Variants in CLDN18 observed in about 807,000 individuals in gnomAD.
CLDN18 encodes claudin-18.
Under a neutral mutation model 25.0 loss-of-function variants are expected in CLDN18, and 20 were observed. The ratio of observed to expected loss-of-function variants is 0.80; its 90% CI spans 0.56 to 1.16. CLDN18 has a LOEUF of 1.16. Among genes scored for constraint, CLDN18 ranks in the 50% most tolerant of loss-of-function variants. The probability of loss-of-function intolerance (pLI) is 0.00; values close to 1 mark genes in which losing one functional copy is unlikely to be tolerated. For missense variants in CLDN18, 297 were observed against 345.4 expected (o/e 0.86, Z 1.11); for synonymous variants, 125 against 135.6 (o/e 0.92, Z 0.54).
chr3:137,999,619 G>A (rs1215425974), intron 1 of CLDN18, among the ~76,000 whole-genome samples: 1 of 152,162 alleles, frequency 6.6e-6, no homozygotes, highest in African/African-American at 2.4e-5. Flanking sequence ...GACGTCAGAT[G>A]GGCCCCTGCA....
Position 138,010,371 on chromosome 3 carries a change from T to G in CLDN18, c.146T>G (p.Leu49Arg). The G allele has an allele frequency of 6.2e-7, 1 of 1,614,136 alleles. No homozygotes were observed. The highest frequency in any genetic ancestry group is 8.5e-7 in the Non-Finnish European group (1 of 1,180,024). The change falls in exon 1 of 5, where the codon CTC becomes CGC. Residue 49 changes from leucine to arginine, a missense_variant. Physicochemically the swap from Leu to Arg is moderately radical, Grantham distance 102. Coordinates refer to ENST00000183605, the MANE Select transcript of CLDN18 (RefSeq NM_016369.4). Reference sequence around the variant, plus strand: ...ACCTCCGTGTTCCAGTACGAAGGGCTCTGGAGGAGCTGCGTGAGGCAGAGT... The same window carrying G: ...ACCTCCGTGTTCCAGTACGAAGGGCGCTGGAGGAGCTGCGTGAGGCAGAGT... ...PVTSVFQYEGLWRSCVRQSSG... is the reference protein window; with the variant it reads ...PVTSVFQYEGRWRSCVRQSSG...
chr3:138,008,050 T>C (rs1308088187), upstream of CLDN18, among the ~76,000 whole-genome samples: 1 of 152,136 alleles, frequency 6.6e-6, no homozygotes, highest in Admixed American at 6.5e-5. Context: ...GTTGCCTCCA[T>C]TCAAATTAGA....
intron 1 of CLDN18, among the ~76,000 whole-genome samples, chr3:138,017,362 C>T (rs575791446): frequency 1.3e-5 from 2 of 152,136 alleles, no homozygotes; most frequent in South Asian, 4.1e-4. Context: ...TGACTATCTA[C>T]ATTTTCCCCT....
At position 138,010,446 on chromosome 3, in the gene CLDN18, G is replaced by A; in HGVS notation, c.220+1G>A. On this transcript the variant is annotated splice_donor_variant, in intron 1 of 4. Coordinates refer to ENST00000183605, the MANE Select transcript of CLDN18 (RefSeq NM_016369.4). LOFTEE classifies it high-confidence loss of function. ...TATTTCACCATCCTGGGACTTCCAGGTAGGCACCGTGCACCCCGGGGTAGA... is the reference window on the plus strand; with the variant it reads ...TATTTCACCATCCTGGGACTTCCAGATAGGCACCGTGCACCCCGGGGTAGA... 6.2e-7 allele frequency: 1 copy of A among 1,614,174 alleles called. No homozygotes were observed. The highest frequency in any genetic ancestry group is 8.5e-7 in the Non-Finnish European group (1 of 1,180,010).
intron 1 of CLDN18, among the ~76,000 whole-genome samples, chr3:138,014,564 A>G (rs1942182879): frequency 6.6e-6 from 1 of 152,126 alleles, no homozygotes; most frequent in Non-Finnish European, 1.5e-5. Flanking sequence ...CTGAACCACC[A>G]TGGGAACTGG....
chr3:138,025,897 T>C (rs1166006061), intron 3 of CLDN18, among the ~76,000 whole-genome samples: 2 of 152,186 alleles, frequency 1.3e-5, no homozygotes, highest in African/African-American at 4.8e-5. Context: ...ACCAGCCACT[T>C]TGCAGTTAGC....
At chr3:138,021,069 T>A (rs892042098) in intron 1 of CLDN18, among the ~76,000 whole-genome samples, 6 of 152,162 alleles carry the variant, frequency 3.9e-5, no homozygotes, top group Non-Finnish European at 8.8e-5. Context: ...ATTACTTACA[T>A]TGTAGGGGTT....
intron 1 of CLDN18, chr3:138,004,982 A>G (rs981867669): frequency 6.6e-6 from 1 of 152,034 alleles, no homozygotes; most frequent in Non-Finnish European, 1.5e-5. Context: ...AAAATACATT[A>G]TATGTTTTTT....
At chr3:138,028,065 C>CT (rs527721365) in intron 3 of CLDN18, among the ~76,000 whole-genome samples, 286 of 145,474 alleles carry the variant, frequency 2.0e-3, no homozygotes, top group Middle Eastern at 3.7e-3. Flanking sequence ...TGTGTGCTTT[C>CT]TTTTTTTTTT....
exon 1 of CLDN18, chr3:137,998,821 T>A: frequency 6.4e-7 from 1 of 1,567,840 alleles, no homozygotes; most frequent in African/African-American, 1.3e-5. Context: ...GTCTCAGAAT[T>A]GCGCTGTCCA....
chr3:138,015,278 G>A (rs1942190116), intron 1 of CLDN18, among the ~76,000 whole-genome samples: 1 of 152,166 alleles, frequency 6.6e-6, no homozygotes, highest in Admixed American at 6.5e-5. Flanking sequence ...ACACCTGTGG[G>A]GCTCCTAAAG....
intron 1 of CLDN18, chr3:138,004,709 A>G (rs555219152): frequency 6.6e-6 from 1 of 151,764 alleles, no homozygotes; most frequent in South Asian, 2.1e-4. Context: ...CTTTTTTTGA[A>G]GGAAAAAGTA....
rs376611413 is a variant in CLDN18, at chr3:138,010,408, C to A, written c.183C>A (p.Thr61=). ...RSCVRQSSGF[T]ECRPYFTILG... Reference sequence around the variant, plus strand: ...GCGTGAGGCAGAGTTCAGGCTTCACCGAATGCAGGCCCTATTTCACCATCC... The same window carrying A: ...GCGTGAGGCAGAGTTCAGGCTTCACAGAATGCAGGCCCTATTTCACCATCC... Residue 61 remains threonine (T), a synonymous_variant, in exon 1 of 5, where the codon ACC becomes ACA. Coordinates refer to ENST00000183605, the MANE Select transcript of CLDN18 (RefSeq NM_016369.4). 1.2e-6 allele frequency: 2 copies of A among 1,614,192 alleles called. No homozygotes were observed. The highest frequency in any genetic ancestry group is 3.3e-5 in the Admixed American group (2 of 60,024).
In CLDN18 at chr3:138,029,664, T is replaced by C. The variant is rs878888629; in HGVS notation, c.504-133T>C. The C allele has an allele frequency of 4.9e-6, 3 of 608,348 alleles. No homozygotes were observed. In the South Asian group the frequency reaches 6.2e-5, roughly 12 times the overall value. 37.7% of individuals were successfully genotyped at this position (608,348 alleles called of 1,614,324 possible). On this transcript the variant is annotated intron_variant, in intron 3 of 4. Transcript: ENST00000183605. Reference sequence around the variant, plus strand: ...GTTGGCTGTGACCCACAGGAATGTGTGTTCAGGGGCATGGTCAGGGATGGA... The same window carrying C: ...GTTGGCTGTGACCCACAGGAATGTGCGTTCAGGGGCATGGTCAGGGATGGA...
intron 1 of CLDN18, among the ~76,000 whole-genome samples, chr3:138,001,237 C>A (rs558944554): frequency 1.3e-5 from 2 of 152,382 alleles, no homozygotes; most frequent in Admixed American, 6.5e-5. Flanking sequence ...AAGCAGAAAT[C>A]TCTCCTGACC....
At chr3:138,005,667 G>A (rs1218634286), upstream of CLDN18, among the ~76,000 whole-genome samples, 1 of 152,176 alleles carries the variant, frequency 6.6e-6, no homozygotes, top group African/African-American at 2.4e-5. Context: ...AATTCACAAT[G>A]TAGACTAGGA....
intron 1 of CLDN18, among the ~76,000 whole-genome samples, chr3:138,012,979 G>A (rs1007923617): frequency 6.6e-6 from 1 of 152,182 alleles, no homozygotes; most frequent in Non-Finnish European, 1.5e-5. Flanking sequence ...GTACATTTGT[G>A]TCATTCAGCT....
chr3:138,021,189 A>G (rs1425668255), intron 1 of CLDN18, among the ~76,000 whole-genome samples: 1 of 152,118 alleles, frequency 6.6e-6, no homozygotes, highest in Admixed American at 6.5e-5. Flanking sequence ...TGTTTTGTTT[A>G]CAGTTTCCTC....
chr3:138,030,195 C>T (rs78373500), intron 4 of CLDN18, among the ~76,000 whole-genome samples: 1 of 152,180 alleles, frequency 6.6e-6, no homozygotes, highest in African/African-American at 2.4e-5. Context: ...AATTTCCCCC[C>T]CAGGGGATAT....
Sources: gnomAD v4.1 joint callset for allele counts (sites outside exome capture counted in the v4.1 genomes callset) on GRCh38, gnomAD v4.1.1 for gene constraint, MANE v1.5 for transcripts, NCBI Gene and HGNC (gene_info 2026-07-23, HGNC 2026-07-21) for gene names.